The following SLC35F1 variants were observed in gnomAD, a reference collection of about 807,000 sequenced individuals.
The protein encoded by SLC35F1 is chromosome 6 open reading frame 169.
A neutral mutation model predicts 48.7 loss-of-function variants in SLC35F1; 14 were observed. The ratio of observed to expected loss-of-function variants is 0.29; its 90% CI spans 0.19 to 0.45. The LOEUF (loss-of-function observed/expected upper bound fraction) is 0.45, where lower values mean the gene tolerates loss of function less well. Among genes scored for constraint, SLC35F1 ranks in the 20% least tolerant of loss-of-function variants. The pLI is 1.00. For synonymous variants in SLC35F1, 190 were observed against 202.2 expected (o/e 0.94, Z 0.51); for missense variants, 404 against 500.0 (o/e 0.81, Z 1.83).
chr6:118,292,878 C>T (rs1267567946), intron 7 of SLC35F1, among the ~76,000 whole-genome samples: 2 of 152,290 alleles, frequency 1.3e-5, no homozygotes, highest in Non-Finnish European at 1.5e-5. Context: ...CTTCTGCAAA[C>T]TCTAAATCTT....
chr6:118,002,927 T>G (rs527481373), intron 1 of SLC35F1, among the ~76,000 whole-genome samples: 2 of 152,270 alleles, frequency 1.3e-5, no homozygotes, highest in East Asian at 3.9e-4. Flanking sequence ...CAGTTATATG[T>G]GCATTCTCAA....
At chr6:118,039,743 T>C (rs1379255381) in intron 1 of SLC35F1, among the ~76,000 whole-genome samples, 2 of 151,596 alleles carry the variant, frequency 1.3e-5, no homozygotes, top group Non-Finnish European at 1.5e-5. Flanking sequence ...TGTAGCAAAA[T>C]TGTAGTAGCT....
rs375661468 is a variant in SLC35F1 at position 118,070,063 on chromosome 6, G to A, written c.174-84382G>A. On this transcript the variant is annotated intron_variant, in intron 1 of 7. Transcript: ENST00000360388. ...AGGCAGGAGAATGGCGTGAACCCGG[G>A]AAGCGGAGCTTGCAGTGAGCCGAGA... Among the ~76,000 whole-genome samples the A allele has an allele frequency of 3.5e-5, 5 of 144,616 alleles. No homozygotes were observed. In the East Asian group the frequency reaches 8.1e-4, roughly 23 times the overall value. The allele number at this position is 144,616 out of a possible 152,430, so 94.9% of individuals were successfully genotyped here. A position where few individuals can be genotyped will look rare whatever the true frequency, so the allele number is the denominator to read the frequency against.
chr6:117,959,744 C>T (rs983506157), intron 1 of SLC35F1, among the ~76,000 whole-genome samples: 24 of 152,016 alleles, frequency 1.6e-4, no homozygotes, highest in East Asian at 1.3e-3. Context: ...CAAGAAGTTT[C>T]GACGTATAAT....
intron 7 of SLC35F1, among the ~76,000 whole-genome samples, chr6:118,309,882 C>T (rs1279670687): frequency 1.3e-5 from 2 of 152,212 alleles, no homozygotes; most frequent in Admixed American, 6.5e-5. Context: ...CTCCAAGCCA[C>T]CTCGTCCTGT....
At chr6:118,026,103 A>G (rs1771939915) in intron 1 of SLC35F1, among the ~76,000 whole-genome samples, 1 of 152,222 alleles carries the variant, frequency 6.6e-6, no homozygotes, top group Non-Finnish European at 1.5e-5. Flanking sequence ...CATTACTTAT[A>G]GTAATGAAGT....
chr6:117,911,771 GTATA>G (rs1464748710), intron 1 of SLC35F1, among the ~76,000 whole-genome samples: 3 of 151,932 alleles, frequency 2.0e-5, no homozygotes, highest in African/African-American at 7.3e-5. Flanking sequence ...GCATGGTATA[GTATA>G]TATTACCCTG....
intron 1 of SLC35F1, among the ~76,000 whole-genome samples, chr6:118,010,999 G>T (rs1411134239): frequency 1.3e-5 from 2 of 152,148 alleles, no homozygotes; most frequent in Non-Finnish European, 2.9e-5. Context: ...TAGAGCCTTG[G>T]CAGATGGATT....
chr6:118,205,066 G>T (rs1222789395), intron 2 of SLC35F1, among the ~76,000 whole-genome samples: 1 of 152,172 alleles, frequency 6.6e-6, no homozygotes, highest in East Asian at 1.9e-4. Context: ...CAACATCCAG[G>T]AGGCCGCAGA....
At chr6:118,148,406 A>G (rs545840643) in intron 1 of SLC35F1, among the ~76,000 whole-genome samples, 177 of 152,344 alleles carry the variant, frequency 1.2e-3, no homozygotes, top group African/African-American at 4.2e-3. Flanking sequence ...TATTTTGAAT[A>G]TCTAATTTGT....
chr6:118,097,551 G>T (rs75501974), intron 1 of SLC35F1, among the ~76,000 whole-genome samples: 3 of 152,112 alleles, frequency 2.0e-5, no homozygotes, highest in Non-Finnish European at 4.4e-5. Context: ...AAACCATTTT[G>T]GTCTAAATGT....
chr6:118,177,899 A>G (rs1269806427), intron 2 of SLC35F1, among the ~76,000 whole-genome samples: 1 of 152,078 alleles, frequency 6.6e-6, no homozygotes, highest in African/African-American at 2.4e-5. Context: ...GGCAGAAAGG[A>G]AAGGCCTTGG....
At position 118,272,737 on chromosome 6, in the gene SLC35F1, GTATATATATATACATATATATATATA is replaced by G. The variant is rs1245282806; in HGVS notation, c.638-2720_638-2695del. Among the ~76,000 whole-genome samples the G allele has an allele frequency of 2.5e-5, 3 of 120,272 alleles. No homozygotes were observed. In the East Asian group the frequency reaches 6.3e-4, roughly 25 times the overall value. 78.9% of individuals were successfully genotyped at this position (120,272 alleles called of 152,430 possible). A position where few individuals can be genotyped will look rare whatever the true frequency, so the allele number is the denominator to read the frequency against. On this transcript the variant is annotated intron_variant, in intron 4 of 7. Coordinates refer to ENST00000360388, the MANE Select transcript of SLC35F1 (RefSeq NM_001029858.4). ...TGGATTAAAAAATATATATGTGTGT[GTATATATATATACATATATATATATA>G]TGTATATATATATACCATTTTTTAG...
chr6:118,309,076 G>A (rs993797326), intron 7 of SLC35F1, among the ~76,000 whole-genome samples: 3 of 152,038 alleles, frequency 2.0e-5, no homozygotes, highest in African/African-American at 7.2e-5. Flanking sequence ...TGTTCTCTCA[G>A]GCTACTCACA....
chr6:117,999,138 A>G (rs1582609234), intron 1 of SLC35F1: 1 of 1,593,294 alleles, frequency 6.3e-7, no homozygotes, highest in Non-Finnish European at 8.5e-7. Context: ...AAGGGCCTAA[A>G]GAAGATGCAG....
rs1421476722 is a variant in SLC35F1 at position 118,280,882 on chromosome 6, AC to A, written c.847+3337del. On this transcript the variant is annotated intron_variant, in intron 6 of 7. Transcript: ENST00000360388. Reference sequence around the variant, plus strand: ...AAGAGTCTGTCCCAAAAAAAAAAAAACAATACACCTTTCTTTTTACCCATGT... The same window carrying A: ...AAGAGTCTGTCCCAAAAAAAAAAAAAAATACACCTTTCTTTTTACCCATGT... 6.6e-5 allele frequency among the ~76,000 whole-genome samples: 10 copies of A among 151,060 alleles called. No homozygotes were observed. The South Asian group carries it at 8.4e-4, about 13-fold the overall frequency.
intron 1 of SLC35F1, among the ~76,000 whole-genome samples, chr6:117,931,355 T>C (rs540948498): frequency 6.6e-6 from 1 of 152,336 alleles, no homozygotes; most frequent in East Asian, 1.9e-4. Context: ...CAGGTTGTTC[T>C]GTAAGGATCC....
chr6:117,965,932 A>G (rs759937890), intron 1 of SLC35F1, among the ~76,000 whole-genome samples: 5 of 152,048 alleles, frequency 3.3e-5, no homozygotes, highest in Non-Finnish European at 5.9e-5. Flanking sequence ...CTAAAGGATT[A>G]TAAATACACC....
At chr6:118,062,380 G>T (rs967673540) in intron 1 of SLC35F1, among the ~76,000 whole-genome samples, 6 of 151,934 alleles carry the variant, frequency 3.9e-5, no homozygotes. Flanking sequence ...TTAAAATTTT[G>T]TGGCTACATA....
Sources: allele counts gnomAD v4.1 joint callset (sites outside exome capture counted in the v4.1 genomes callset), GRCh38; gene constraint gnomAD v4.1.1; transcripts MANE v1.5; gene names NCBI Gene and HGNC (gene_info 2026-07-23, HGNC 2026-07-21).